The following PAH variants were observed in gnomAD, a reference collection of about 807,000 sequenced individuals.
The protein encoded by PAH is phenylalanine hydroxylase, also known as phenylalanine-4-hydroxylase.
A neutral mutation model predicts 62.0 loss-of-function variants in PAH; 64 were observed. The observed-to-expected ratio is 1.03, with a 90% CI of 0.84 to 1.27. The LOEUF (loss-of-function observed/expected upper bound fraction) is 1.27, where lower values mean the gene tolerates loss of function less well. PAH is among the 50% of genes most tolerant of loss of function. The pLI is 0.00. For synonymous variants in PAH, 195 were observed against 196.2 expected, an observed-to-expected ratio of 0.99 and a Z score of 0.05; for missense variants, 579 against 542.8, an observed-to-expected ratio of 1.07 and a Z score of -0.66.
At chr12:102,904,444 G>T (rs1877889633) in intron 2 of PAH, among the ~76,000 whole-genome samples, 1 of 152,168 alleles carries the variant, frequency 6.6e-6, no homozygotes, top group South Asian at 2.1e-4. Context: ...AGGAAATGCT[G>T]AGTGAGATTA....
chr12:102,841,732 C>T lies in PAH; in HGVS notation c.1200-1217G>A, dbSNP rs560164695. Among the ~76,000 whole-genome samples, 7 of 152,312 alleles carry T rather than the reference C, an allele frequency of 4.6e-5. No homozygotes were observed. The East Asian group carries it at 1.3e-3, about 29-fold the overall frequency. The stretch of plus-strand genomic sequence containing the variant: ...TGTTACACATCTGTGATTTTGCCTG[C>T]TCTGCACCTCTTCCTCCTTCTTCCC... On this transcript the variant is annotated intron_variant, in intron 11 of 12. Transcript: ENST00000553106.
At chr12:102,922,905 A>G (rs73173951) in intron 1 of PAH, among the ~76,000 whole-genome samples, 24,474 of 152,038 alleles carry the variant, frequency 0.16, 2,744 homozygotes, top group African/African-American at 0.29. Flanking sequence ...AATTACACAG[A>G]AAAAAAACCA....
chr12:102,843,550 A>G (rs1874677419), intron 11 of PAH, 96 bp downstream of exon 11: 1 of 1,188,176 alleles, frequency 8.4e-7, no homozygotes, highest in Admixed American at 1.7e-5. Flanking sequence ...GTTGCTGTAG[A>G]CATTGGAGTC....
intron 3 of PAH, among the ~76,000 whole-genome samples, chr12:102,891,796 G>C (rs568021218): frequency 1.9e-4 from 29 of 152,264 alleles, no homozygotes; most frequent in African/African-American, 7.0e-4. Context: ...CGGCTCTCCA[G>C]CTGGTTTACT....
At chr12:102,871,939 AAAAAAAAAAAATAT>A in intron 4 of PAH, among the ~76,000 whole-genome samples, 1 of 15,920 alleles carries the variant, frequency 6.3e-5, no homozygotes, top group East Asian at 1.7e-3. Flanking sequence ...AAAAAAAAAA[AAAAAAAAAAAATAT>A]ATATATATAT....
At chr12:102,956,035 A>T (rs1232661690) in intron 1 of PAH, among the ~76,000 whole-genome samples, 1 of 152,174 alleles carries the variant, frequency 6.6e-6, no homozygotes, top group African/African-American at 2.4e-5. Flanking sequence ...AGAAACACTC[A>T]GCCAGCCCAC....
chr12:102,913,027 T>G, intron 1 of PAH, 129 bp from the exon 2 acceptor site: 1 of 687,938 alleles, frequency 1.5e-6, no homozygotes, highest in Non-Finnish European at 2.7e-6. Flanking sequence ...ATGAGCTATA[T>G]ATATTCTATA....
chr12:102,950,103 T>A (rs1279360532), intron 1 of PAH: 2 of 152,270 alleles, frequency 1.3e-5, no homozygotes, highest in African/African-American at 2.4e-5. Context: ...CTATGTGCAC[T>A]GTTGTCAGCA....
intron 2 of PAH, among the ~76,000 whole-genome samples, chr12:102,896,684 G>A (rs935650208): frequency 6.6e-6 from 1 of 152,090 alleles, no homozygotes; most frequent in African/African-American, 2.4e-5. Context: ...GAGTTTGTGG[G>A]TAGGAAAATG....
At chr12:102,843,597 C>G in intron 11 of PAH, 49 bp downstream of exon 11, 14 of 1,607,376 alleles carry the variant, frequency 8.7e-6, no homozygotes, top group Non-Finnish European at 1.2e-5. Flanking sequence ...TGAGTGGCAC[C>G]AGTCAGGAGG....
intron 3 of PAH, among the ~76,000 whole-genome samples, chr12:102,884,778 C>T (rs1876961704): frequency 6.6e-6 from 1 of 152,164 alleles, no homozygotes; most frequent in South Asian, 2.1e-4. Flanking sequence ...TGATTTTTCC[C>T]AGGCAAAAAG....
chr12:102,918,714 C>A (rs1237887509), upstream of PAH, among the ~76,000 whole-genome samples: 7 of 151,856 alleles, frequency 4.6e-5, no homozygotes, highest in Admixed American at 1.3e-4. Flanking sequence ...CCAAAAGGAA[C>A]CTTTAGGGGC....
chr12:102,898,998 C>T (rs1404862325), intron 2 of PAH, among the ~76,000 whole-genome samples: 1 of 152,140 alleles, frequency 6.6e-6, no homozygotes, highest in Non-Finnish European at 1.5e-5. Flanking sequence ...GAGGGGACCC[C>T]ACTAGGGAGA....
upstream of PAH, among the ~76,000 whole-genome samples, chr12:102,921,095 A>G (rs866533091): frequency 5.9e-5 from 9 of 152,182 alleles, no homozygotes; most frequent in Non-Finnish European, 1.3e-4. Context: ...AAGTGCTGCC[A>G]GATTGCCCTT....
chr12:102,918,201 A>C (rs1232308877), upstream of PAH, among the ~76,000 whole-genome samples: 1 of 152,190 alleles, frequency 6.6e-6, no homozygotes, highest in Non-Finnish European at 1.5e-5. Flanking sequence ...GATGCCATTA[A>C]CCACACTTTT....
At chr12:102,933,588 C>T (rs953125043) in intron 1 of PAH, among the ~76,000 whole-genome samples, 8 of 152,024 alleles carry the variant, frequency 5.3e-5, no homozygotes, top group Non-Finnish European at 1.2e-4. Context: ...TACATTCTCA[C>T]CAACAGCATA....
intron 3 of PAH, among the ~76,000 whole-genome samples, chr12:102,893,738 T>C (rs144216584): frequency 5.9e-5 from 9 of 152,226 alleles, no homozygotes; most frequent in African/African-American, 2.2e-4. Context: ...AAGCCCACAC[T>C]TATAATTTCT....
At chr12:102,956,689 G>T (rs34631206) in intron 1 of PAH, among the ~76,000 whole-genome samples, 1 of 151,752 alleles carries the variant, frequency 6.6e-6, no homozygotes, top group East Asian at 1.9e-4. Context: ...TATGATATCC[G>T]CTAAGCTGGT....
chr12:102,839,385 G>A lies in PAH; in HGVS notation c.1316-167C>T, dbSNP rs114261695. Among the ~76,000 whole-genome samples, 723 of 152,324 alleles carry A rather than the reference G, an allele frequency of 4.7e-3. 11 individuals carry two copies. Among genetic ancestry groups the A allele is most frequent in the African/African-American group, 0.017 (702 of 41,574 alleles). ...CTCATTATGGTATAAGTACTTGCAT[G>A]TTTTAGAAAATGCCAGAGCCATTAA... On this transcript the variant is annotated intron_variant, in intron 12 of 12. Transcript: ENST00000553106.
Sources: allele counts gnomAD v4.1 joint callset (sites outside exome capture counted in the v4.1 genomes callset), GRCh38; gene constraint gnomAD v4.1.1; transcripts MANE v1.5; gene names NCBI Gene and HGNC (gene_info 2026-07-23, HGNC 2026-07-21).